The following ACAD8 variants were observed in gnomAD, a reference collection of about 807,000 sequenced individuals.
The protein encoded by ACAD8 is acyl-CoA dehydrogenase family member 8.
Under a neutral mutation model 53.1 loss-of-function variants are expected in ACAD8, and 47 were observed. The observed-to-expected ratio is 0.89, with a 90% CI of 0.70 to 1.13. The LOEUF (loss-of-function observed/expected upper bound fraction) is 1.13, where lower values mean the gene tolerates loss of function less well. Among genes scored for constraint, ACAD8 ranks in the 50% most tolerant of loss-of-function variants. The pLI, the probability that ACAD8 is intolerant of heterozygous loss-of-function variation, is 0.00. For synonymous variants in ACAD8, 198 were observed against 201.3 expected (o/e 0.98, Z 0.14); for missense variants, 494 against 535.0 (o/e 0.92, Z 0.76).
At chr11:134,257,588 G>A (rs1005669688) in intron 3 of ACAD8, among the ~76,000 whole-genome samples, 21 of 152,080 alleles carry the variant, frequency 1.4e-4, no homozygotes, top group Middle Eastern at 6.8e-3. Context: ...CAGGAGGATG[G>A]TGTGAACCCG....
At chr11:134,259,939 A>G (rs765893090) in intron 6 of ACAD8, 194 bp downstream of exon 6, 12 of 1,452,218 alleles carry the variant, frequency 8.3e-6, no homozygotes, top group Non-Finnish European at 1.1e-5. Context: ...CTCTGGGGAA[A>G]GTGACAATGT....
chr11:134,253,852 C>G (rs1303012559), intron 1 of ACAD8, 143 bp downstream of exon 1: 5 of 898,302 alleles, frequency 5.6e-6, no homozygotes, highest in Non-Finnish European at 8.8e-6. Context: ...GGCCTGGCTC[C>G]CTACTCCGGC....
At chr11:134,264,308 G>A (rs961307607) in intron 10 of ACAD8, among the ~76,000 whole-genome samples, 4 of 152,148 alleles carry the variant, frequency 2.6e-5, no homozygotes, top group Non-Finnish European at 4.4e-5. Context: ...TTGCACCATC[G>A]CACTCCAGCC....
rs201273972 is a variant in ACAD8 at position 134,258,600 on chromosome 11, G to T, written c.466G>T (p.Ala156Ser). 7.0e-5 allele frequency: 113 copies of T among 1,613,906 alleles called. 1 individual carries two copies. In the Admixed American group the frequency reaches 1.8e-3, roughly 26 times the overall value. Reference protein sequence around the residue: ...CPPLCTMEKFASYCLTEPGSG... With the variant: ...CPPLCTMEKFSSYCLTEPGSG... ...ACCGCTCTGTACCATGGAGAAGTTT[G>T]CTTCCTACTGCCTCACTGAACCAGG... Residue 156 changes from alanine to serine, a missense_variant, in exon 4 of 11, where the codon GCT becomes TCT. By Grantham distance (99) the Ala-to-Ser change is moderately conservative (BLOSUM62 1). Transcript: ENST00000281182.
In ACAD8 at chr11:134,253,595, G is replaced by C; in HGVS notation, c.-6G>C. The C allele has an allele frequency of 1.3e-6, 2 of 1,578,336 alleles. No individual in the cohort carries two copies. The highest frequency in any genetic ancestry group is 1.7e-6 in the Non-Finnish European group (2 of 1,164,536). ...ACTCTTAGCTGAACGCGGAGCTGCGGCGGCTATGCTGTGGAGCGGCTGCCG... is the reference window on the plus strand; with the variant it reads ...ACTCTTAGCTGAACGCGGAGCTGCGCCGGCTATGCTGTGGAGCGGCTGCCG... On this transcript the variant is annotated 5_prime_UTR_variant, in exon 1 of 11. Coordinates refer to ENST00000281182, the MANE Select transcript of ACAD8 (RefSeq NM_014384.3).
chr11:134,256,895 A>G, intron 2 of ACAD8, 193 bp from the exon 3 acceptor site: 1 of 681,936 alleles, frequency 1.5e-6, no homozygotes, highest in Non-Finnish European at 2.5e-6. Context: ...TAATAAAAAG[A>G]AACTTCTTAA....
chr11:134,265,093 C>T lies in ACAD8; in HGVS notation c.*133C>T, dbSNP rs1940110406. 1 of 955,776 alleles carries T rather than the reference C, an allele frequency of 1.0e-6. No individual in the cohort carries two copies. The highest frequency in any genetic ancestry group is 1.7e-6 in the Non-Finnish European group (1 of 595,824). The allele number at this position is 955,776 out of a possible 1,614,324, so 59.2% of individuals were successfully genotyped here. ...GAGCTCCTCTAGGGCAGGACCTGCACCCTGTGTGTTGGCACCAGCATCGGG... is the reference window on the plus strand; with the variant it reads ...GAGCTCCTCTAGGGCAGGACCTGCATCCTGTGTGTTGGCACCAGCATCGGG... On this transcript the variant is annotated 3_prime_UTR_variant, in exon 11 of 11. Coordinates refer to ENST00000281182, the MANE Select transcript of ACAD8 (RefSeq NM_014384.3).
intron 5 of ACAD8, chr11:134,259,333 C>CA: frequency 1.5e-6 from 1 of 669,374 alleles, no homozygotes; most frequent in Non-Finnish European, 2.7e-6. Flanking sequence ...GATCTGCAGT[C>CA]ACTGCAGCGA....
intron 10 of ACAD8, chr11:134,263,242 G>T: frequency 9.9e-7 from 1 of 1,007,314 alleles, no homozygotes; most frequent in Non-Finnish European, 1.2e-6. Context: ...AAAAGCAGGA[G>T]GGGCAGAGGC....
chr11:134,255,841 G>A (rs1417664886), intron 1 of ACAD8, among the ~76,000 whole-genome samples: 1 of 152,176 alleles, frequency 6.6e-6, no homozygotes, highest in Non-Finnish European at 1.5e-5. Context: ...GGACTGCATC[G>A]CTTGTAGGCA....
At position 134,265,301 on chromosome 11, in the gene ACAD8, C is replaced by T. The variant is rs1048251031; in HGVS notation, c.*341C>T. 1 of 313,654 alleles carries T rather than the reference C, an allele frequency of 3.2e-6. No homozygotes were observed. 19.4% of individuals were successfully genotyped at this position (313,654 alleles called of 1,614,324 possible). On this transcript the variant is annotated 3_prime_UTR_variant, in exon 11 of 11. Transcript: ENST00000281182. ...TTGATTAGTCTGCATTTTACTAGTT[C>T]ACTGGATCCCTCCTCTAGGGGCCTG...
Position 134,259,661 on chromosome 11 carries a change from A to G in ACAD8, c.621A>G (p.Thr207=), listed in dbSNP as rs1315587870. 1 of 1,614,212 alleles carries G rather than the reference A, an allele frequency of 6.2e-7. No individual in the cohort carries two copies. Reference sequence around the variant, plus strand: ...ACATCTATGTGGTCATGTGCCGAACAGGAGGACCAGGCCCCAAGGGCATCT... The same window carrying G: ...ACATCTATGTGGTCATGTGCCGAACGGGAGGACCAGGCCCCAAGGGCATCT... The part of the protein sequence containing the change: ...ESDIYVVMCR[T]GGPGPKGISC... Residue 207 remains threonine (T), a synonymous_variant, in exon 6 of 11, where the codon ACA becomes ACG. Transcript: ENST00000281182.
At chr11:134,256,677 C>T (rs751485284) in intron 2 of ACAD8, 29 bp downstream of exon 2, 1 of 1,576,542 alleles carries the variant, frequency 6.3e-7, no homozygotes, top group Non-Finnish European at 8.7e-7. Context: ...CTTAGACGTT[C>T]TAACAACAGA....
rs886048024 is a variant in ACAD8, at chr11:134,258,566, A to G, written c.432A>G (p.Lys144=). Residue 144 remains lysine (K), a synonymous_variant, in exon 4 of 11, where the codon AAA becomes AAG. Coordinates refer to ENST00000281182, the MANE Select transcript of ACAD8 (RefSeq NM_014384.3). ...TCGGAAATGAGGAACAGAGGCACAA[A>G]TTTTGCCCACCGCTCTGTACCATGG... The part of the protein sequence containing the change: ...DSFGNEEQRH[K]FCPPLCTMEK... The G allele has an allele frequency of 1.2e-6, 2 of 1,613,810 alleles. No homozygotes were observed. The highest frequency in any genetic ancestry group is 1.1e-5 in the South Asian group (1 of 91,040).
rs113750526 is a variant in ACAD8, at chr11:134,259,545, T to C, written c.568-63T>C. 5,831 of 1,596,528 alleles carry C rather than the reference T, an allele frequency of 3.7e-3. 405 individuals carry two copies. The African/African-American group carries it at 0.083, about 23-fold the overall frequency. ...TTATTGTCAGGAGGACCCAGTGGTG[T>C]TCCCAGACGCTGTGAGAACTCAAGC... On this transcript the variant is annotated intron_variant, in intron 5 of 10. Coordinates refer to ENST00000281182, the MANE Select transcript of ACAD8 (RefSeq NM_014384.3).
At chr11:134,264,802 A>T in intron 10 of ACAD8, 106 bp from the exon 11 acceptor site, 1 of 959,028 alleles carries the variant, frequency 1.0e-6, no homozygotes, top group Non-Finnish European at 1.7e-6. Context: ...ATTGTAGTTT[A>T]AATCTGCAGC....
Position 134,261,266 on chromosome 11 carries a change from C to T in ACAD8, c.842-9C>T, listed in dbSNP as rs1939864296. Reference sequence around the variant, plus strand: ...GCTTGGTTGGAACGTCGGCGCTCTTCCCCTCTAGCTTCCTGCTCCCTGGGG... The same window carrying T: ...GCTTGGTTGGAACGTCGGCGCTCTTTCCCTCTAGCTTCCTGCTCCCTGGGG... On this transcript the variant is annotated splice_polypyrimidine_tract_variant and intron_variant, in intron 7 of 10. Transcript: ENST00000281182. This position sits in a 1 kb window ranked among gnomAD's most constrained non-coding sequence, Gnocchi z 4.2. The T allele has an allele frequency of 6.2e-7, 1 of 1,614,160 alleles. No homozygotes were observed. The highest frequency in any genetic ancestry group is 8.5e-7 in the Non-Finnish European group (1 of 1,180,028).
At position 134,257,180 on chromosome 11, in the gene ACAD8, A is replaced by G; in HGVS notation, c.303A>G (p.Ser101=). 6.2e-7 allele frequency: 1 copy of G among 1,614,200 alleles called. No individual in the cohort carries two copies. Among genetic ancestry groups the G allele is most frequent in the Non-Finnish European group, 8.5e-7 (1 of 1,180,038 alleles). ...IQTDVGGSGL[S]RLDTSVIFEA... ...CAGATGTGGGCGGGTCTGGGCTGTC[A>G]CGTCTTGATACCTCTGTCATTTTTG... The change falls in exon 3 of 11, where the codon TCA becomes TCG. Residue 101 remains serine, a synonymous_variant. Coordinates refer to ENST00000281182, the MANE Select transcript of ACAD8 (RefSeq NM_014384.3).
Position 134,261,898 on chromosome 11 carries a change from A to AT in ACAD8, c.1092+10dup, listed in dbSNP as rs752856080. On this transcript the variant is annotated intron_variant, in intron 9 of 10. Transcript: ENST00000281182. This position sits in a 1 kb window ranked among gnomAD's most constrained non-coding sequence, Gnocchi z 4.2. ...ACAGATGAATGCTTTGCCGTAAGTG[A>AT]TTCCTCTGGCTCTCCTGGGATGGAC... The AT allele has an allele frequency of 3.1e-6, 5 of 1,613,612 alleles. No homozygotes were observed. In the Admixed American group the frequency reaches 8.3e-5, roughly 27 times the overall value.
Sources: allele counts gnomAD v4.1 joint callset (sites outside exome capture counted in the v4.1 genomes callset), GRCh38; gene constraint gnomAD v4.1.1; non-coding constraint Gnocchi (gnomAD v3.1); transcripts MANE v1.5; gene names NCBI Gene and HGNC (gene_info 2026-07-23, HGNC 2026-07-21).